THSD4: variants seen among roughly 807,000 people sequenced by gnomAD.
The protein encoded by THSD4 is thrombospondin type-1 domain-containing protein 4.
THSD4 carries 69 observed loss-of-function variants against 119.0 expected under a neutral mutation model. The ratio of observed to expected loss-of-function variants is 0.58; its 90% CI spans 0.48 to 0.71. The LOEUF (loss-of-function observed/expected upper bound fraction) is 0.71, where lower values mean the gene tolerates loss of function less well. Ranked by LOEUF, THSD4 falls within the 30% of genes least tolerant of loss-of-function variation. The pLI, the probability that THSD4 is intolerant of heterozygous loss-of-function variation, is 0.00. For missense variants in THSD4, 1,393 were observed against 1,391.1 expected (o/e 1.00, Z -0.02); for synonymous variants, 524 against 540.4 (o/e 0.97, Z 0.42).
chr15:71,514,811 G>A (rs936824625), intron 7 of THSD4, among the ~76,000 whole-genome samples: 5 of 152,022 alleles, frequency 3.3e-5, no homozygotes, highest in African/African-American at 1.2e-4. Context: ...TTTATAATAT[G>A]CCTTTTAAAC....
chr15:71,631,192 A>G lies in THSD4; in HGVS notation c.1153-29338A>G, dbSNP rs1351604461. On this transcript the variant is annotated intron_variant, in intron 7 of 17. Transcript: ENST00000261862. Reference sequence around the variant, plus strand: ...CCTGGGAAACATTCAACAAGTTGTCATGGCCAGGCCTGTGCCAGCCCAAGT... The same window carrying G: ...CCTGGGAAACATTCAACAAGTTGTCGTGGCCAGGCCTGTGCCAGCCCAAGT... 3.9e-5 allele frequency among the ~76,000 whole-genome samples: 6 copies of G among 152,200 alleles called. No homozygotes were observed. The East Asian group carries it at 1.2e-3, about 29-fold the overall frequency.
intron 6 of THSD4, among the ~76,000 whole-genome samples, chr15:71,284,062 C>G (rs1220167350): frequency 1.3e-5 from 2 of 152,180 alleles, no homozygotes; most frequent in Admixed American, 1.3e-4. Context: ...TGCCTTTTCT[C>G]TTAAGTGTCC....
At chr15:71,602,873 T>A (rs1416774789) in intron 7 of THSD4, among the ~76,000 whole-genome samples, 1 of 152,250 alleles carries the variant, frequency 6.6e-6, no homozygotes, top group Non-Finnish European at 1.5e-5. Flanking sequence ...TTGTCTGGTA[T>A]ATGAATTATA....
At chr15:71,389,657 G>C (rs2046345605) in intron 6 of THSD4, among the ~76,000 whole-genome samples, 1 of 151,924 alleles carries the variant, frequency 6.6e-6, no homozygotes, top group South Asian at 2.1e-4. Context: ...ATACAAAGTA[G>C]TGGAATTGTT....
At chr15:71,357,329 C>A (rs935744774) in intron 6 of THSD4, among the ~76,000 whole-genome samples, 1 of 152,218 alleles carries the variant, frequency 6.6e-6, no homozygotes, top group Non-Finnish European at 1.5e-5. Flanking sequence ...TAGACCCCAT[C>A]GCTGAGGTGT....
At chr15:71,578,332 C>T (rs896149732) in intron 7 of THSD4, among the ~76,000 whole-genome samples, 1 of 151,926 alleles carries the variant, frequency 6.6e-6, no homozygotes, top group African/African-American at 2.4e-5. Context: ...TAACAGGTGA[C>T]TCGAGGTTTG....
chr15:71,767,109 A>T (rs1595931729), intron 16 of THSD4: 1 of 152,340 alleles, frequency 6.6e-6, no homozygotes, highest in East Asian at 1.9e-4. Context: ...AGATGTGTAT[A>T]CCACAAAAAG....
intron 4 of THSD4, among the ~76,000 whole-genome samples, chr15:71,222,491 C>T (rs1416278859): frequency 6.6e-6 from 1 of 152,120 alleles, no homozygotes; most frequent in African/African-American, 2.4e-5. Flanking sequence ...CCAAGCAGTG[C>T]CAGGTTGACA....
intron 6 of THSD4, chr15:71,341,699 G>A (rs2045580199): frequency 8.1e-7 from 1 of 1,231,384 alleles, no homozygotes; most frequent in Admixed American, 1.7e-5. Flanking sequence ...CGGGTCAAGT[G>A]AATAGCGAAC....
intron 7 of THSD4, among the ~76,000 whole-genome samples, chr15:71,430,759 GA>G (rs397719477): frequency 1.1e-4 from 9 of 82,958 alleles, no homozygotes; most frequent in South Asian, 5.2e-4. Flanking sequence ...TCTGTCTCAA[GA>G]AAAAAAAAAA....
chr15:71,580,372 T>C (rs75604047), intron 7 of THSD4, among the ~76,000 whole-genome samples: 1,778 of 152,310 alleles, frequency 0.012, 33 homozygotes, highest in African/African-American at 0.039. Context: ...CAAATGATAA[T>C]TGTATATATT....
chr15:71,277,754 G>T (rs913743473), intron 6 of THSD4, among the ~76,000 whole-genome samples: 3 of 152,158 alleles, frequency 2.0e-5, no homozygotes, highest in Non-Finnish European at 4.4e-5. Flanking sequence ...TTCTGTGACT[G>T]TCACTGCTCT....
chr15:71,286,563 G>A (rs1251103124), intron 6 of THSD4, among the ~76,000 whole-genome samples: 1 of 152,132 alleles, frequency 6.6e-6, no homozygotes, highest in Non-Finnish European at 1.5e-5. Flanking sequence ...TCCTTGATGG[G>A]CATTTGGGTT....
At chr15:71,484,984 G>A (rs974188479) in intron 7 of THSD4, among the ~76,000 whole-genome samples, 2 of 152,202 alleles carry the variant, frequency 1.3e-5, no homozygotes, top group African/African-American at 4.8e-5. Flanking sequence ...CCAGCTAGGT[G>A]ATCTACAAAC....
intron 17 of THSD4, among the ~76,000 whole-genome samples, chr15:71,772,550 C>T (rs2140248141): frequency 6.6e-6 from 1 of 152,174 alleles, no homozygotes; most frequent in South Asian, 2.1e-4. Context: ...AAGAAGGTTC[C>T]CAAGGGGAGC....
intron 7 of THSD4, among the ~76,000 whole-genome samples, chr15:71,645,036 T>G (rs1343932212): frequency 6.6e-6 from 1 of 152,184 alleles, no homozygotes; most frequent in South Asian, 2.1e-4. Flanking sequence ...CTATCATTAT[T>G]TAAAAACACA....
chr15:71,157,912 C>T (rs2040795796), intron 3 of THSD4, among the ~76,000 whole-genome samples: 1 of 151,980 alleles, frequency 6.6e-6, no homozygotes, highest in Non-Finnish European at 1.5e-5. Context: ...TGAATACATA[C>T]CTTGGTTACT....
intron 8 of THSD4, among the ~76,000 whole-genome samples, chr15:71,675,602 C>T (rs747771028): frequency 2.0e-5 from 3 of 152,182 alleles, no homozygotes; most frequent in Admixed American, 6.5e-5. Context: ...TGAGACCTCG[C>T]TCGTGGTACT....
intron 7 of THSD4, among the ~76,000 whole-genome samples, chr15:71,562,820 A>G (rs1425449245): frequency 2.0e-5 from 3 of 150,690 alleles, no homozygotes; most frequent in Non-Finnish European, 4.4e-5. Flanking sequence ...CTCCTGCCTC[A>G]GCCTTCTGAG....
Sources: gnomAD v4.1 joint callset for allele counts (sites outside exome capture counted in the v4.1 genomes callset) on GRCh38, gnomAD v4.1.1 for gene constraint, MANE v1.5 for transcripts, NCBI Gene and HGNC (gene_info 2026-07-23, HGNC 2026-07-21) for gene names.